The following KIF9 variants were observed in gnomAD, a reference collection of about 807,000 sequenced individuals.
KIF9 encodes kinesin-like protein KIF9.
Under a neutral mutation model 94.8 loss-of-function variants are expected in KIF9, and 68 were observed. The observed-to-expected ratio is 0.72, with a 90% CI of 0.59 to 0.88. The LOEUF (loss-of-function observed/expected upper bound fraction) is 0.88, where lower values mean the gene tolerates loss of function less well. Ranked by LOEUF, KIF9 falls within the 40% of genes least tolerant of loss-of-function variation. The pLI is 0.00. For missense variants in KIF9, 882 were observed against 982.5 expected, an observed-to-expected ratio of 0.90 and a Z score of 1.37; for synonymous variants, 343 against 362.1, an observed-to-expected ratio of 0.95 and a Z score of 0.60.
intron 13 of KIF9, 48 bp downstream of exon 13, chr3:47,246,149 A>C: frequency 6.4e-7 from 1 of 1,567,484 alleles, no homozygotes; most frequent in East Asian, 2.2e-5. Context: ...GCAGGAGATG[A>C]AAATGGCAGC....
chr3:47,239,940 C>T, intron 17 of KIF9: 2 of 1,367,108 alleles, frequency 1.5e-6, no homozygotes, highest in Non-Finnish European at 2.0e-6. Context: ...TAAGACTGAG[C>T]CAGGAGTGTG....
intron 20 of KIF9, among the ~76,000 whole-genome samples, chr3:47,235,252 C>A (rs1698932894): frequency 6.6e-6 from 1 of 152,202 alleles, no homozygotes; most frequent in South Asian, 2.1e-4. Flanking sequence ...CTCAGGGGAT[C>A]CCTGGGCCTT....
chr3:47,267,812 T>C (rs996866802), intron 5 of KIF9, among the ~76,000 whole-genome samples: 6 of 151,772 alleles, frequency 4.0e-5, no homozygotes, highest in Admixed American at 1.3e-4. Flanking sequence ...TGGGTTTTTT[T>C]TAGTGAGCAT....
chr3:47,270,163 C>CA (rs1701550952), intron 5 of KIF9, among the ~76,000 whole-genome samples: 1 of 152,082 alleles, frequency 6.6e-6, no homozygotes, highest in Non-Finnish European at 1.5e-5. Context: ...CTCAGCCTCT[C>CA]AAAGTGCTGG....
intron 9 of KIF9, among the ~76,000 whole-genome samples, chr3:47,259,749 A>T (rs2107375166): frequency 6.8e-6 from 1 of 146,496 alleles, no homozygotes; most frequent in African/African-American, 2.6e-5. Flanking sequence ...GCTTTTTTAA[A>T]CAGATGCTTG....
In KIF9 at chr3:47,235,544, A is replaced by G. The variant is rs755885776; in HGVS notation, c.2291T>C (p.Phe764Ser). The change falls in exon 20 of 21, where the codon TTC becomes TCC. Residue 764 changes from phenylalanine (F) to serine (S), a missense_variant. Transcript: ENST00000684063. ...VLPEGPDSIS[F>S]YNAKVKIEQK... ...CTCTATCTTGACTTTGGCATTGTAG[A>G]AGGAGATGGAATCAGGGCCCTCAGG... 24 of 1,613,872 alleles carry G rather than the reference A, an allele frequency of 1.5e-5. No individual in the cohort carries two copies. The Middle Eastern group carries it at 4.9e-4, about 33-fold the overall frequency.
chr3:47,246,930 GT>G (rs1319237044), intron 12 of KIF9, among the ~76,000 whole-genome samples: 2 of 152,172 alleles, frequency 1.3e-5, no homozygotes. Context: ...TTGTGGGGTG[GT>G]TTCCCCCTCC....
At chr3:47,261,424 C>T (rs978293870) in intron 9 of KIF9, among the ~76,000 whole-genome samples, 13 of 152,150 alleles carry the variant, frequency 8.5e-5, no homozygotes, top group African/African-American at 2.7e-4. Flanking sequence ...GATGCCATGC[C>T]TCATTGCTTG....
At chr3:47,240,656 G>C (rs1699399390) in intron 17 of KIF9, 145 bp downstream of exon 17, 1 of 678,226 alleles carries the variant, frequency 1.5e-6, no homozygotes, top group South Asian at 1.8e-5. Context: ...AGAGCTAAGT[G>C]ATCTGACCTA....
intron 4 of KIF9, among the ~76,000 whole-genome samples, chr3:47,272,078 C>T (rs967922369): frequency 6.6e-6 from 1 of 152,062 alleles, no homozygotes; most frequent in Non-Finnish European, 1.5e-5. Context: ...TGAGATCACG[C>T]CACTGCACTC....
chr3:47,272,163 C>CAG (rs1376966844), intron 4 of KIF9, among the ~76,000 whole-genome samples: 14 of 152,036 alleles, frequency 9.2e-5, no homozygotes, highest in Non-Finnish European at 1.6e-4. Flanking sequence ...ATTGGTCACT[C>CAG]AGCTAGTAAG....
chr3:47,265,930 T>C, intron 7 of KIF9, 53 bp from the exon 8 acceptor site: 2 of 1,593,998 alleles, frequency 1.3e-6, no homozygotes, highest in Non-Finnish European at 1.7e-6. Context: ...GCTGCCCCAC[T>C]AAGAATAGCA....
chr3:47,241,789 G>GTGTATATA lies in KIF9; in HGVS notation c.1710-782_1710-775dup, dbSNP rs200221718. Among the ~76,000 whole-genome samples the GTGTATATA allele has an allele frequency of 4.9e-4, 42 of 85,816 alleles. 1 individual carries two copies. Among genetic ancestry groups the GTGTATATA allele is most frequent in the African/African-American group, 1.3e-3 (30 of 22,578 alleles). 56.3% of individuals were successfully genotyped at this position (85,816 alleles called of 152,430 possible). ...TATACGTATATATACATGTATATAC[G>GTGTATATA]TGTATATATGTATATATGTATATAT... On this transcript the variant is annotated intron_variant, in intron 16 of 20. Transcript: ENST00000684063.
At chr3:47,268,466 C>A (rs1334696829) in intron 5 of KIF9, among the ~76,000 whole-genome samples, 2 of 152,176 alleles carry the variant, frequency 1.3e-5, no homozygotes, top group Non-Finnish European at 2.9e-5. Flanking sequence ...GCCTAGCAGA[C>A]TCCTGTGGCC....
chr3:47,236,363 T>G, intron 18 of KIF9, 80 bp downstream of exon 18: 1 of 1,467,798 alleles, frequency 6.8e-7, no homozygotes. Flanking sequence ...ACTCTGAGGG[T>G]GCTTCCAGAA....
At chr3:47,240,074 G>A in intron 17 of KIF9, 1 of 524,562 alleles carries the variant, frequency 1.9e-6, no homozygotes. Context: ...CTGGGAATCT[G>A]CACTTGACCA....
chr3:47,228,695 T>C lies in KIF9; in HGVS notation c.2330A>G (p.Tyr777Cys). 6.2e-7 allele frequency: 1 copy of C among 1,613,712 alleles called. No homozygotes were observed. The highest frequency in any genetic ancestry group is 8.5e-7 in the Non-Finnish European group (1 of 1,179,650). ...AKVKIEQKHN[Y>C]LKTMMGLQQA... Reference sequence around the variant, plus strand: ...CTGGAGGCCCATCATGGTTTTCAAGTAATTATGCTGGACACAGAGGGAAGA... The same window carrying C: ...CTGGAGGCCCATCATGGTTTTCAAGCAATTATGCTGGACACAGAGGGAAGA... The change falls in exon 21 of 21, where the codon TAC becomes TGC. Residue 777 changes from tyrosine to cysteine, a missense_variant. Transcript: ENST00000684063.
chr3:47,276,923 T>C (rs1362096050), intron 2 of KIF9, among the ~76,000 whole-genome samples: 2 of 151,654 alleles, frequency 1.3e-5, no homozygotes, highest in Non-Finnish European at 2.9e-5. Context: ...AGCTAAACAG[T>C]AATGAACTCA....
At chr3:47,236,721 G>A in intron 17 of KIF9, 102 bp from the exon 18 acceptor site, 3 of 1,024,594 alleles carry the variant, frequency 2.9e-6, no homozygotes, top group Non-Finnish European at 4.4e-6. Flanking sequence ...AAATCATGAA[G>A]ACAGGAGACC....
Sources: gnomAD v4.1 joint callset for allele counts (sites outside exome capture counted in the v4.1 genomes callset) on GRCh38, gnomAD v4.1.1 for gene constraint, MANE v1.5 for transcripts, NCBI Gene and HGNC (gene_info 2026-07-23, HGNC 2026-07-21) for gene names.